KLF13: variants seen among roughly 807,000 people sequenced by gnomAD.
KLF13 encodes the protein Krueppel-like factor 13.
KLF13 carries 8 observed loss-of-function variants against 16.7 expected under a neutral mutation model. The observed-to-expected ratio is 0.48, with a 90% CI of 0.28 to 0.87. The LOEUF is 0.87. Ranked by LOEUF, KLF13 falls within the 40% of genes least tolerant of loss-of-function variation. KLF13 has a pLI of 0.10. For missense variants in KLF13, 447 were observed against 452.2 expected (o/e 0.99, Z 0.10); for synonymous variants, 245 against 208.4 (o/e 1.18, Z -1.51).
intron 1 of KLF13, among the ~76,000 whole-genome samples, chr15:31,333,368 C>T (rs551073678): frequency 1.3e-5 from 2 of 152,238 alleles, no homozygotes; most frequent in East Asian, 3.9e-4. Context: ...CTGTCTGGAC[C>T]AGTGTTTCAG....
At chr15:31,355,567 T>C (rs1345351487) in intron 1 of KLF13, among the ~76,000 whole-genome samples, 1 of 152,162 alleles carries the variant, frequency 6.6e-6, no homozygotes, top group Non-Finnish European at 1.5e-5. Context: ...GATAACGTGC[T>C]CATAGGGGCT....
At chr15:31,416,015 G>A (rs1465754759) in intron 1 of KLF13, among the ~76,000 whole-genome samples, 1 of 152,012 alleles carries the variant, frequency 6.6e-6, no homozygotes, top group Non-Finnish European at 1.5e-5. Flanking sequence ...AGAAGTAAAA[G>A]GGATTTTAAA....
rs1440748961 is a variant in KLF13 at position 31,376,362 on chromosome 15, AT to A, written c.*4066del. 1 of 152,320 alleles carries A rather than the reference AT, an allele frequency of 6.6e-6. No individual in the cohort carries two copies. The highest frequency in any genetic ancestry group is 1.5e-5 in the Non-Finnish European group (1 of 68,048). 9.4% of individuals were successfully genotyped at this position (152,320 alleles called of 1,614,324 possible). A position where few individuals can be genotyped will look rare whatever the true frequency, so the allele number is the denominator to read the frequency against. ...TTCTTTCCCCCATTTAAAAAAGGTCATTTAGTCAAAGACACAGTGCTAGAGG... is the reference window on the plus strand; with the variant it reads ...TTCTTTCCCCCATTTAAAAAAGGTCATTAGTCAAAGACACAGTGCTAGAGG... On this transcript the variant is annotated 3_prime_UTR_variant, in exon 2 of 2. Coordinates refer to ENST00000307145, the MANE Select transcript of KLF13 (RefSeq NM_015995.4).
intron 2 of KLF13, among the ~76,000 whole-genome samples, chr15:31,401,749 C>T (rs976085325): frequency 1.3e-5 from 2 of 152,236 alleles, no homozygotes; most frequent in South Asian, 2.1e-4. Flanking sequence ...GGGACCTGAA[C>T]GCAGCAGTGC....
At chr15:31,381,900 G>A (rs191536918), downstream of KLF13, among the ~76,000 whole-genome samples, 1 of 152,342 alleles carries the variant, frequency 6.6e-6, no homozygotes, top group African/African-American at 2.4e-5. Context: ...CGTTGCTCAG[G>A]GCGGAGAAAG....
At chr15:31,401,409 C>A (rs2040035046) in intron 2 of KLF13, among the ~76,000 whole-genome samples, 1 of 152,206 alleles carries the variant, frequency 6.6e-6, no homozygotes, top group South Asian at 2.1e-4. Context: ...GTGTAACATC[C>A]CAGCTGGCTT....
intron 1 of KLF13, among the ~76,000 whole-genome samples, chr15:31,346,451 C>T (rs947001290): frequency 6.6e-6 from 1 of 152,220 alleles, no homozygotes; most frequent in Non-Finnish European, 1.5e-5. Context: ...CACCCTGGAG[C>T]TGCGGCCACC....
intron 1 of KLF13, among the ~76,000 whole-genome samples, chr15:31,353,537 TGCTATAAAACCACTTCGGG>T (rs2039250175): frequency 6.6e-6 from 1 of 152,354 alleles, no homozygotes; most frequent in Non-Finnish European, 1.5e-5. Flanking sequence ...TTCCCTTTAT[TGCTATAAAACCACTTCGGG>T]GCTGCAGAGA....
intron 1 of KLF13, among the ~76,000 whole-genome samples, chr15:31,428,622 C>T (rs185213965): frequency 4.0e-5 from 6 of 151,760 alleles, no homozygotes; most frequent in South Asian, 2.1e-4. Context: ...CTGGCTAACA[C>T]GGTGAAACCC....
At chr15:31,384,163 G>T (rs550646183) in intron 1 of KLF13, among the ~76,000 whole-genome samples, 1 of 152,328 alleles carries the variant, frequency 6.6e-6, no homozygotes, top group Non-Finnish European at 1.5e-5. Context: ...GGTAGGCCAG[G>T]TGAGGTGGCT....
intron 1 of KLF13, among the ~76,000 whole-genome samples, chr15:31,370,923 C>T (rs1265652193): frequency 1.3e-5 from 2 of 152,104 alleles, no homozygotes; most frequent in Admixed American, 1.3e-4. Flanking sequence ...GGCTGTCTGG[C>T]CATCCCTGGG....
intron 1 of KLF13, among the ~76,000 whole-genome samples, chr15:31,425,628 G>C (rs2141012254): frequency 6.6e-6 from 1 of 152,290 alleles, no homozygotes; most frequent in African/African-American, 2.4e-5. Flanking sequence ...TGTAATCCTA[G>C]GAGTTTGGGA....
chr15:31,429,631 A>G (rs955633493), intron 1 of KLF13, among the ~76,000 whole-genome samples: 3 of 152,188 alleles, frequency 2.0e-5, no homozygotes, highest in African/African-American at 4.8e-5. Flanking sequence ...GAAAAGCAAA[A>G]CAATGTATCT....
chr15:31,348,332 C>T (rs2039159317), intron 1 of KLF13, among the ~76,000 whole-genome samples: 2 of 152,164 alleles, frequency 1.3e-5, no homozygotes, highest in Non-Finnish European at 2.9e-5. Context: ...AGCCCAGCCT[C>T]CAGTGCCTTC....
chr15:31,405,761 C>A (rs149603389), downstream of KLF13, among the ~76,000 whole-genome samples: 48 of 152,276 alleles, frequency 3.2e-4, no homozygotes, highest in Non-Finnish European at 6.5e-4. Context: ...GACCCCGGAA[C>A]CACAAAGGGG....
intron 1 of KLF13, among the ~76,000 whole-genome samples, chr15:31,417,081 C>T (rs1398403652): frequency 6.6e-6 from 1 of 152,212 alleles, no homozygotes. Context: ...CTCCCTCTCT[C>T]ATCCATGTGA....
intron 1 of KLF13, among the ~76,000 whole-genome samples, chr15:31,341,532 C>T (rs1221569317): frequency 1.4e-5 from 2 of 140,808 alleles, no homozygotes; most frequent in Admixed American, 1.4e-4. Flanking sequence ...TGGGACAATT[C>T]AGAACTTTTT....
chr15:31,349,139 G>A (rs940059760), intron 1 of KLF13, among the ~76,000 whole-genome samples: 2 of 152,298 alleles, frequency 1.3e-5, no homozygotes, highest in South Asian at 4.1e-4. Flanking sequence ...TGGCGAGGTA[G>A]GGTGGGGTAC....
intron 2 of KLF13, among the ~76,000 whole-genome samples, chr15:31,396,593 A>G (rs1941005453): frequency 6.6e-6 from 1 of 152,234 alleles, no homozygotes; most frequent in African/African-American, 2.4e-5. Context: ...CCACAAGATC[A>G]GATGAGCCAG....
Sources: allele counts gnomAD v4.1 joint callset (sites outside exome capture counted in the v4.1 genomes callset), GRCh38; gene constraint gnomAD v4.1.1; transcripts MANE v1.5; gene names NCBI Gene and HGNC (gene_info 2026-07-23, HGNC 2026-07-21).